Variants in PDS5B observed in about 807,000 individuals in gnomAD.
PDS5B encodes sister chromatid cohesion protein PDS5 homolog B.
PDS5B carries 51 observed loss-of-function variants against 184.1 expected under a neutral mutation model. The observed-to-expected ratio is 0.28, with a 90% CI of 0.22 to 0.35. The LOEUF (loss-of-function observed/expected upper bound fraction) is 0.35, where lower values mean the gene tolerates loss of function less well. PDS5B is among the 10% of genes least tolerant of loss of function. The probability of loss-of-function intolerance (pLI) is 1.00; values close to 1 mark genes in which losing one functional copy is unlikely to be tolerated. For missense variants in PDS5B, 1,180 were observed against 1,723.3 expected (o/e 0.68, Z 5.58); for synonymous variants, 566 against 569.2 (o/e 0.99, Z 0.08).
At chr13:32,717,052 G>T (rs1398091271) in intron 19 of PDS5B, among the ~76,000 whole-genome samples, 1 of 126,500 alleles carries the variant, frequency 7.9e-6, no homozygotes, top group African/African-American at 3.1e-5. Context: ...CAGCCGCCTC[G>T]TCCGGGAGGG....
intron 7 of PDS5B, among the ~76,000 whole-genome samples, chr13:32,670,530 G>C (rs1950909255): frequency 6.6e-6 from 1 of 152,056 alleles, no homozygotes; most frequent in African/African-American, 2.4e-5. Context: ...GCCCAGCCTA[G>C]GTTATTTTTT....
chr13:32,628,302 A>G (rs1369214936), intron 1 of PDS5B, among the ~76,000 whole-genome samples: 1 of 152,132 alleles, frequency 6.6e-6, no homozygotes, highest in African/African-American at 2.4e-5. Flanking sequence ...CACGCCTGTA[A>G]TCTTAGCACT....
Position 32,770,101 on chromosome 13 carries a change from TG to T in PDS5B, c.3625-19del. On this transcript the variant is annotated intron_variant, in intron 31 of 34. Coordinates refer to ENST00000315596, the MANE Select transcript of PDS5B (RefSeq NM_015032.4). ...CTCACAATTTCATAACCATAAATTG[TG>T]ATTTTTTTTTTCCCCTAGTCTGAAT... The T allele has an allele frequency of 6.5e-7, 1 of 1,541,174 alleles. No individual in the cohort carries two copies. The highest frequency in any genetic ancestry group is 8.7e-7 in the Non-Finnish European group (1 of 1,147,450).
chr13:32,665,654 T>A (rs1566302532), intron 6 of PDS5B, among the ~76,000 whole-genome samples: 1 of 146,546 alleles, frequency 6.8e-6, no homozygotes, highest in Non-Finnish European at 1.5e-5. Context: ...AGGAATGAAT[T>A]TCTTAAGAAA....
chr13:32,661,399 A>AAC, intron 6 of PDS5B, among the ~76,000 whole-genome samples: 1 of 150,134 alleles, frequency 6.7e-6, no homozygotes, highest in Non-Finnish European at 1.5e-5. Flanking sequence ...AAAAAAAAAA[A>AAC]AAAAAAAAAA....
At chr13:32,728,000 T>G (rs1952969604) in intron 19 of PDS5B, among the ~76,000 whole-genome samples, 1 of 152,032 alleles carries the variant, frequency 6.6e-6, no homozygotes. Flanking sequence ...CTCTCTCATT[T>G]TATTTTGATA....
chr13:32,725,523 G>A (rs1952868272), intron 19 of PDS5B, among the ~76,000 whole-genome samples: 1 of 152,068 alleles, frequency 6.6e-6, no homozygotes, highest in Non-Finnish European at 1.5e-5. Flanking sequence ...CTTTTAATGG[G>A]AATGGTATTA....
At chr13:32,676,986 G>A (rs1951087363) in intron 9 of PDS5B, among the ~76,000 whole-genome samples, 1 of 144,394 alleles carries the variant, frequency 6.9e-6, no homozygotes, top group Non-Finnish European at 1.5e-5. Flanking sequence ...TATATTCTTT[G>A]TGTTGAAATA....
intron 1 of PDS5B, among the ~76,000 whole-genome samples, chr13:32,607,764 A>T (rs562789462): frequency 6.6e-6 from 1 of 152,150 alleles, no homozygotes; most frequent in African/African-American, 2.4e-5. Flanking sequence ...GCAATGGCGA[A>T]TGCCCCTCCC....
At chr13:32,670,920 A>T (rs1950919450) in intron 7 of PDS5B, among the ~76,000 whole-genome samples, 1 of 152,220 alleles carries the variant, frequency 6.6e-6, no homozygotes, top group Non-Finnish European at 1.5e-5. Flanking sequence ...TGTAAGGTAG[A>T]ATTTATTACT....
intron 11 of PDS5B, 87 bp from the exon 12 acceptor site, chr13:32,687,047 G>C: frequency 1.9e-6 from 2 of 1,030,718 alleles, no homozygotes; most frequent in Non-Finnish European, 2.9e-6. Context: ...TAAAGGGAAG[G>C]AAAACACAAA....
chr13:32,665,479 C>T (rs1364562429), intron 6 of PDS5B, among the ~76,000 whole-genome samples: 1 of 142,314 alleles, frequency 7.0e-6, no homozygotes, highest in Non-Finnish European at 1.5e-5. Context: ...GTCCCAGCTA[C>T]TTTGGAGGCT....
chr13:32,770,057 A>T, intron 31 of PDS5B, 64 bp from the exon 32 acceptor site: 2 of 1,450,972 alleles, frequency 1.4e-6, no homozygotes. Context: ...TTTTTGTTTC[A>T]TTCCTCAAAA....
intron 24 of PDS5B, among the ~76,000 whole-genome samples, chr13:32,748,825 A>G (rs988322240): frequency 6.6e-6 from 1 of 152,104 alleles, no homozygotes; most frequent in Non-Finnish European, 1.5e-5. Flanking sequence ...AGCATGGTTT[A>G]TATTTGACTC....
At chr13:32,643,630 GATACATTTAGATAC>G (rs1172834850) in intron 1 of PDS5B, among the ~76,000 whole-genome samples, 1 of 151,808 alleles carries the variant, frequency 6.6e-6, no homozygotes, top group Admixed American at 6.6e-5. Flanking sequence ...TCTATGTTTA[GATACATTTAGATAC>G]ACAGATACTT....
At chr13:32,681,750 A>G (rs1399376215) in intron 10 of PDS5B, among the ~76,000 whole-genome samples, 1 of 152,088 alleles carries the variant, frequency 6.6e-6, no homozygotes, top group Non-Finnish European at 1.5e-5. Context: ...CCTGACTAGC[A>G]GGATCATTTC....
At chr13:32,699,953 C>T (rs1372530026) in intron 16 of PDS5B, 84 bp downstream of exon 16, 1 of 1,231,812 alleles carries the variant, frequency 8.1e-7, no homozygotes, top group East Asian at 3.1e-5. Flanking sequence ...AATTTATATT[C>T]ATTATATTAA....
chr13:32,661,599 T>C (rs1050613750), intron 6 of PDS5B, among the ~76,000 whole-genome samples: 4 of 151,784 alleles, frequency 2.6e-5, no homozygotes, highest in Non-Finnish European at 5.9e-5. Flanking sequence ...GAAGAGATGA[T>C]ATTCAAGTAG....
Position 32,611,791 on chromosome 13 carries a change from G to C in PDS5B, c.-20+25198G>C, listed in dbSNP as rs150063995. ...CCCAAAGTGCTGGGATTACAAGCATGAGCCACGGTGCCTGGTTCTCACTGC... is the reference window on the plus strand; with the variant it reads ...CCCAAAGTGCTGGGATTACAAGCATCAGCCACGGTGCCTGGTTCTCACTGC... On this transcript the variant is annotated intron_variant, in intron 1 of 34. Coordinates refer to ENST00000315596, the MANE Select transcript of PDS5B (RefSeq NM_015032.4). 9.2e-3 allele frequency among the ~76,000 whole-genome samples: 1,400 copies of C among 152,024 alleles called. 24 individuals are homozygous for C. Among genetic ancestry groups the C allele is most frequent in the African/African-American group, 0.032 (1,334 of 41,444 alleles).
Sources: allele counts gnomAD v4.1 joint callset (sites outside exome capture counted in the v4.1 genomes callset), GRCh38; gene constraint gnomAD v4.1.1; transcripts MANE v1.5; gene names NCBI Gene and HGNC (gene_info 2026-07-23, HGNC 2026-07-21).